The following MAP3K4 variants were observed in gnomAD, a reference collection of about 807,000 sequenced individuals.
MAP3K4 encodes mitogen-activated protein kinase kinase kinase 4.
In MAP3K4, 67 loss-of-function variants were observed where a neutral mutation model predicts 185.6. The observed-to-expected ratio is 0.36, with a 90% CI of 0.30 to 0.44. The LOEUF (loss-of-function observed/expected upper bound fraction) is 0.44. Ranked by LOEUF, MAP3K4 falls within the 20% of genes least tolerant of loss-of-function variation. MAP3K4 has a pLI of 1.00. For missense variants in MAP3K4, 1,551 were observed against 1,995.1 expected (o/e 0.78, Z 4.24); for synonymous variants, 702 against 710.4 (o/e 0.99, Z 0.19).
intron 6 of MAP3K4, among the ~76,000 whole-genome samples, chr6:161,083,440 G>A (rs889407228): frequency 7.9e-5 from 12 of 152,082 alleles, no homozygotes; most frequent in Non-Finnish European, 1.8e-4. Flanking sequence ...TTCTTTAAAA[G>A]CATTGTTTCC....
rs1319059148 is a variant in MAP3K4 at position 161,077,271 on chromosome 6, G to GA, written c.2098-3603dup. Among the ~76,000 whole-genome samples, 6 of 151,866 alleles carry GA rather than the reference G, an allele frequency of 4.0e-5. No individual in the cohort carries two copies. The highest frequency in any genetic ancestry group is 1.2e-4 in the African/African-American group (5 of 41,338). On this transcript the variant is annotated intron_variant, in intron 5 of 26. Transcript: ENST00000392142. The surrounding 1 kb of genome is among the most constrained non-coding windows in gnomAD (Gnocchi z 4.3). ...ACTTTCTGGTACCTTATTTCTTATTGAAAAAAATATCTACATGTACCCCGG... is the reference window on the plus strand; with the variant it reads ...ACTTTCTGGTACCTTATTTCTTATTGAAAAAAAATATCTACATGTACCCCGG...
In MAP3K4 at chr6:160,993,867, C is replaced by A. The variant is rs370192467; in HGVS notation, c.152+1784C>A. Among the ~76,000 whole-genome samples, 479 of 147,042 alleles carry A rather than the reference C, an allele frequency of 3.3e-3. 2 individuals are homozygous for A. Among genetic ancestry groups the A allele is most frequent in the African/African-American group, 0.012 (460 of 39,960 alleles). On this transcript the variant is annotated intron_variant, in intron 1 of 26. Coordinates refer to ENST00000392142, the MANE Select transcript of MAP3K4 (RefSeq NM_005922.4). ...GGAACAAGAAGATCTCAATATTTTT[C>A]TTAGCAACATTGCAGTTAATTTTAC...
intron 19 of MAP3K4, among the ~76,000 whole-genome samples, chr6:161,105,087 G>T (rs1429968359): frequency 6.6e-6 from 1 of 152,140 alleles, no homozygotes; most frequent in African/African-American, 2.4e-5. Flanking sequence ...TATGGGTTGT[G>T]AACCATTAGT....
intron 1 of MAP3K4, among the ~76,000 whole-genome samples, chr6:160,998,699 C>T (rs1317222126): frequency 6.6e-6 from 1 of 152,170 alleles, no homozygotes; most frequent in African/African-American, 2.4e-5. Context: ...TGGTCTTTTA[C>T]ATTAATAGAA....
chr6:161,026,275 T>C (rs552458281), intron 1 of MAP3K4, among the ~76,000 whole-genome samples: 29 of 149,992 alleles, frequency 1.9e-4, no homozygotes, highest in Admixed American at 3.3e-4. Context: ...GGATTACAGG[T>C]GCCCGCCACC....
rs1238174150 is a variant in MAP3K4, at chr6:161,043,001, T to TA, written c.344-5614dup. Among the ~76,000 whole-genome samples the TA allele has an allele frequency of 6.6e-6, 1 of 152,110 alleles. No individual in the cohort carries two copies. The highest frequency in any genetic ancestry group is 1.9e-4 in the East Asian group (1 of 5,188). The stretch of plus-strand genomic sequence containing the variant: ...GTGCATGCATGCGTGTGCCTATATA[T>TA]ATGTGTGTGTAAATGTGTGTATCTG... On this transcript the variant is annotated intron_variant, in intron 2 of 26. Coordinates refer to ENST00000392142, the MANE Select transcript of MAP3K4 (RefSeq NM_005922.4). This position sits in a 1 kb window ranked among gnomAD's most constrained non-coding sequence, Gnocchi z 4.3.
Position 161,108,036 on chromosome 6 carries a change from C to A in MAP3K4, c.4119+67C>A. ...CTGGGTGATAGAAATTCCGTATAGACGCTGGTCGTGATTCAGTTCTCTGTG... is the reference window on the plus strand; with the variant it reads ...CTGGGTGATAGAAATTCCGTATAGAAGCTGGTCGTGATTCAGTTCTCTGTG... On this transcript the variant is annotated intron_variant, in intron 21 of 26. Coordinates refer to ENST00000392142, the MANE Select transcript of MAP3K4 (RefSeq NM_005922.4). This position sits in a 1 kb window ranked among gnomAD's most constrained non-coding sequence, Gnocchi z 5.7. 1 of 1,419,964 alleles carries A rather than the reference C, an allele frequency of 7.0e-7. No homozygotes were observed. Among genetic ancestry groups the A allele is most frequent in the Non-Finnish European group, 9.8e-7 (1 of 1,018,954 alleles). 88.0% of individuals were successfully genotyped at this position (1,419,964 alleles called of 1,614,324 possible).
At chr6:161,111,601 G>A (rs376299716) in intron 23 of MAP3K4, among the ~76,000 whole-genome samples, 1 of 152,298 alleles carries the variant, frequency 6.6e-6, no homozygotes, top group South Asian at 2.1e-4. Context: ...ATGTATTTCA[G>A]TTCAGAATTT....
intron 1 of MAP3K4, among the ~76,000 whole-genome samples, chr6:160,994,083 A>G (rs1418349698): frequency 6.6e-6 from 1 of 151,414 alleles, no homozygotes; most frequent in Non-Finnish European, 1.5e-5. Context: ...ATTTTAGAGG[A>G]GCTCAGTGTA....
rs1470718070 is a variant in MAP3K4, at chr6:161,017,859, A to G, written c.153-16400A>G. Among the ~76,000 whole-genome samples the G allele has an allele frequency of 6.6e-6, 1 of 152,208 alleles. No homozygotes were observed. The highest frequency in any genetic ancestry group is 2.4e-5 in the African/African-American group (1 of 41,460). On this transcript the variant is annotated intron_variant, in intron 1 of 26. Coordinates refer to ENST00000392142, the MANE Select transcript of MAP3K4 (RefSeq NM_005922.4). This position sits in a 1 kb window ranked among gnomAD's most constrained non-coding sequence, Gnocchi z 5.1. ...TTTTCCCAAATGTGTGATGAAGCTG[A>G]TTGTGCGTTATGTTATTATAACCCT...
Position 161,098,848 on chromosome 6 carries a change from A to C in MAP3K4, c.3674+421A>C, listed in dbSNP as rs984107040. Among the ~76,000 whole-genome samples, 3 of 152,174 alleles carry C rather than the reference A, an allele frequency of 2.0e-5. No individual in the cohort carries two copies. The highest frequency in any genetic ancestry group is 4.4e-5 in the Non-Finnish European group (3 of 68,040). ...TTTGGGAAGATCAGTTTTCTAGCCA[A>C]ATACTCTATTTTAAATAATTGTTGA... On this transcript the variant is annotated intron_variant, in intron 17 of 26. Transcript: ENST00000392142. The surrounding 1 kb of genome is among the most constrained non-coding windows in gnomAD (Gnocchi z 4.4).
In MAP3K4 at chr6:161,064,378, A is replaced by C. The variant is rs975369137; in HGVS notation, c.1708-6230A>C. 6.6e-6 allele frequency among the ~76,000 whole-genome samples: 1 copy of C among 152,158 alleles called. No individual in the cohort carries two copies. Among genetic ancestry groups the C allele is most frequent in the African/African-American group, 2.4e-5 (1 of 41,456 alleles). On this transcript the variant is annotated intron_variant, in intron 3 of 26. Coordinates refer to ENST00000392142, the MANE Select transcript of MAP3K4 (RefSeq NM_005922.4). This position sits in a 1 kb window ranked among gnomAD's most constrained non-coding sequence, Gnocchi z 4.3. ...CTGTGAGGTATAGTATGAGGTAAGC[A>C]TGTCATTATTTTTCTGTTAATTGCT... is the stretch of plus-strand genomic sequence containing the variant.
rs1277731136 is a variant in MAP3K4, at chr6:161,087,176, C to T, written c.2556+509C>T. Among the ~76,000 whole-genome samples the T allele has an allele frequency of 6.6e-6, 1 of 152,114 alleles. No individual in the cohort carries two copies. Among genetic ancestry groups the T allele is most frequent in the Non-Finnish European group, 1.5e-5 (1 of 68,020 alleles). On this transcript the variant is annotated intron_variant, in intron 9 of 26. Coordinates refer to ENST00000392142, the MANE Select transcript of MAP3K4 (RefSeq NM_005922.4). The surrounding 1 kb of genome is among the most constrained non-coding windows in gnomAD (Gnocchi z 4.9). ...TTTATCCCAAGCCCACAGTTGTATC[C>T]CGCTCCCATACTGAGAGTGGGAGGG...
rs193053100 is a variant in MAP3K4 at position 161,096,362 on chromosome 6, T to G, written c.3428-718T>G. Among the ~76,000 whole-genome samples, 469 of 147,264 alleles carry G rather than the reference T, an allele frequency of 3.2e-3. 4 individuals are homozygous for G. The highest frequency in any genetic ancestry group is 0.011 in the African/African-American group (447 of 39,894). The stretch of plus-strand genomic sequence containing the variant: ...AATACTAAGGAGGGTTAAAACAGAG[T>G]GGTAAAAGTGAAGAAGAGAAAAGCA... On this transcript the variant is annotated intron_variant, in intron 15 of 26. Transcript: ENST00000392142. The surrounding 1 kb of genome is among the most constrained non-coding windows in gnomAD (Gnocchi z 4.9).
At chr6:161,015,276 G>C (rs149580974) in intron 1 of MAP3K4, among the ~76,000 whole-genome samples, 42 of 151,716 alleles carry the variant, frequency 2.8e-4, no homozygotes, top group Non-Finnish European at 4.9e-4. Flanking sequence ...ATGGACACAT[G>C]GGGGGGAAAC....
chr6:161,003,442 C>A (rs1239348842), intron 1 of MAP3K4, among the ~76,000 whole-genome samples: 5 of 152,206 alleles, frequency 3.3e-5, no homozygotes, highest in African/African-American at 9.6e-5. Context: ...CTTTAGTTAG[C>A]AGTCTCATGA....
chr6:161,086,703 C>A lies in MAP3K4; in HGVS notation c.2556+36C>A, dbSNP rs1562529880. On this transcript the variant is annotated intron_variant, in intron 9 of 26. Transcript: ENST00000392142. The surrounding 1 kb of genome is among the most constrained non-coding windows in gnomAD (Gnocchi z 4.8). Reference sequence around the variant, plus strand: ...CAAATGTTGTGATTGAAACATTTTGCCTTTCCTTCTTTATTCTAAAACAGG... The same window carrying A: ...CAAATGTTGTGATTGAAACATTTTGACTTTCCTTCTTTATTCTAAAACAGG... 1.9e-6 allele frequency: 3 copies of A among 1,547,366 alleles called. No homozygotes were observed. Among genetic ancestry groups the A allele is most frequent in the Non-Finnish European group, 2.7e-6 (3 of 1,129,526 alleles).
At chr6:161,016,577 A>G (rs1274781984) in intron 1 of MAP3K4, among the ~76,000 whole-genome samples, 1 of 152,190 alleles carries the variant, frequency 6.6e-6, no homozygotes, top group Non-Finnish European at 1.5e-5. Context: ...TTGTCCTAGC[A>G]CCGTTTGTTA....
intron 1 of MAP3K4, among the ~76,000 whole-genome samples, chr6:160,995,222 T>C (rs926517611): frequency 6.6e-6 from 1 of 152,244 alleles, no homozygotes; most frequent in Non-Finnish European, 1.5e-5. Flanking sequence ...TTTTTTCTTA[T>C]GTTTGTTGAA....
Sources: allele counts gnomAD v4.1 joint callset (sites outside exome capture counted in the v4.1 genomes callset), GRCh38; gene constraint gnomAD v4.1.1; non-coding constraint Gnocchi (gnomAD v3.1); transcripts MANE v1.5; gene names NCBI Gene and HGNC (gene_info 2026-07-23, HGNC 2026-07-21).